The following ERBB4 variants were observed in gnomAD, a reference collection of about 807,000 sequenced individuals.
The protein encoded by ERBB4 is erb-b2 receptor tyrosine kinase 4.
ERBB4 carries 42 observed loss-of-function variants against 158.0 expected under a neutral mutation model. The ratio of observed to expected loss-of-function variants is 0.27; its 90% confidence interval spans 0.21 to 0.34. ERBB4 has a LOEUF of 0.34. Ranked by LOEUF, ERBB4 falls within the 10% of genes least tolerant of loss-of-function variation. The pLI, the probability that ERBB4 is intolerant of heterozygous loss-of-function variation, is 1.00. For synonymous variants in ERBB4, 583 were observed against 558.7 expected (o/e 1.04, Z -0.61); for missense variants, 1,333 against 1,624.1 (o/e 0.82, Z 3.08).
Position 212,360,852 on chromosome 2 carries a change from T to C in ERBB4, c.82+177597A>G, listed in dbSNP as rs1393952117. ...TTTAGACTGAGACTTACTTAACTAT[T>C]TGTGAGTTAATCAGGATGAAACAGA... On this transcript the variant is annotated intron_variant, in intron 1 of 27. Coordinates refer to ENST00000342788, the MANE Select transcript of ERBB4 (RefSeq NM_005235.3). Among the ~76,000 whole-genome samples, 7 of 151,692 alleles carry C rather than the reference T, an allele frequency of 4.6e-5. No homozygotes were observed. The Admixed American group carries it at 4.6e-4, about 10-fold the overall frequency.
chr2:211,885,736 G>C (rs973444360), intron 3 of ERBB4, among the ~76,000 whole-genome samples: 1 of 152,156 alleles, frequency 6.6e-6, no homozygotes, highest in Non-Finnish European at 1.5e-5. Flanking sequence ...TGAGATTACA[G>C]ATGTGAGCCA....
At chr2:212,342,664 C>T (rs2088778571) in intron 1 of ERBB4, among the ~76,000 whole-genome samples, 1 of 152,094 alleles carries the variant, frequency 6.6e-6, no homozygotes, top group African/African-American at 2.4e-5. Context: ...AAGTAATGCA[C>T]CAACAGTAAT....
chr2:211,759,496 C>T (rs1306266199), intron 4 of ERBB4, among the ~76,000 whole-genome samples: 1 of 152,100 alleles, frequency 6.6e-6, no homozygotes. Context: ...TCCGGGCTTA[C>T]TCCTCTCACT....
chr2:212,342,852 T>C (rs1466910141), intron 1 of ERBB4, among the ~76,000 whole-genome samples: 1 of 152,232 alleles, frequency 6.6e-6, no homozygotes, highest in Admixed American at 6.5e-5. Context: ...AAAGTAGTAT[T>C]CTTCTTATTC....
At chr2:212,131,109 C>T (rs73987240) in intron 1 of ERBB4, among the ~76,000 whole-genome samples, 3,290 of 152,160 alleles carry the variant, frequency 0.022, 120 homozygotes, top group African/African-American at 0.075. Flanking sequence ...TATAGTTATG[C>T]AGAGATGGCA....
intron 1 of ERBB4, among the ~76,000 whole-genome samples, chr2:212,476,449 CAA>C (rs965635342): frequency 6.6e-6 from 1 of 152,052 alleles, no homozygotes; most frequent in African/African-American, 2.4e-5. Flanking sequence ...ATCCTGATGT[CAA>C]AATATTATTC....
intron 1 of ERBB4, among the ~76,000 whole-genome samples, chr2:212,301,431 A>C (rs568998065): frequency 1.3e-5 from 2 of 151,644 alleles, no homozygotes; most frequent in Admixed American, 1.3e-4. Context: ...CTCACTGAAC[A>C]AAATACGAGC....
At chr2:212,304,366 A>T (rs2086731021) in intron 1 of ERBB4, among the ~76,000 whole-genome samples, 1 of 151,536 alleles carries the variant, frequency 6.6e-6, no homozygotes, top group Non-Finnish European at 1.5e-5. Context: ...TACTTTGTTC[A>T]ATGTCTTAGA....
At chr2:211,755,873 C>T (rs73985834) in intron 4 of ERBB4, among the ~76,000 whole-genome samples, 3,652 of 152,260 alleles carry the variant, frequency 0.024, 161 homozygotes, top group African/African-American at 0.084. Flanking sequence ...AAGTCATTGG[C>T]AACTATAAAA....
Position 212,337,451 on chromosome 2 carries a change from G to A in ERBB4, c.82+200998C>T, listed in dbSNP as rs538396028. Among the ~76,000 whole-genome samples, 44 of 152,104 alleles carry A rather than the reference G, an allele frequency of 2.9e-4. No individual in the cohort carries two copies. The South Asian group carries it at 6.0e-3, about 21-fold the overall frequency. On this transcript the variant is annotated intron_variant, in intron 1 of 27. Transcript: ENST00000342788. ...TTTGTACTTTCTATGCAACAAATCC[G>A]CTTTCACAAAATTGTAGATGGCACC...
rs1176367181 is a variant in ERBB4, at chr2:211,387,080, G to A, written c.3254C>T (p.Thr1085Ile). ...QGVSVPYRAP[T>I]STIPEAPVAQ... ...CACAGGAGCTTCTGGAATTGTGCTA[G>A]TTGGGGCTCTGTAGGGCACAGACAC... Residue 1085 changes from threonine (T) to isoleucine (I), a missense_variant, in exon 27 of 28, where the codon ACT (threonine) becomes ATT (isoleucine). Thr to Ile is a moderately conservative substitution (Grantham distance 89, BLOSUM62 -1). Transcript: ENST00000342788. 1.2e-6 allele frequency: 2 copies of A among 1,613,960 alleles called. No homozygotes were observed. Among genetic ancestry groups the A allele is most frequent in the Non-Finnish European group, 1.7e-6 (2 of 1,179,874 alleles).
intron 19 of ERBB4, among the ~76,000 whole-genome samples, chr2:211,588,797 A>G (rs1054412439): frequency 1.9e-4 from 29 of 152,274 alleles, no homozygotes; most frequent in Non-Finnish European, 2.9e-5. Flanking sequence ...TTTAAATGTT[A>G]GCCATTAGGC....
intron 20 of ERBB4, among the ~76,000 whole-genome samples, chr2:211,559,877 A>G (rs1410196521): frequency 5.9e-5 from 9 of 152,224 alleles, no homozygotes; most frequent in Admixed American, 3.3e-4. Context: ...GTAAAAGTAT[A>G]GTATGACATT....
intron 1 of ERBB4, among the ~76,000 whole-genome samples, chr2:212,340,297 G>A (rs2088644585): frequency 1.3e-5 from 2 of 152,160 alleles, no homozygotes; most frequent in Admixed American, 1.3e-4. Flanking sequence ...ATCAGGAACT[G>A]GTTTCGTGGA....
chr2:212,198,446 C>T (rs1386917758), intron 1 of ERBB4, among the ~76,000 whole-genome samples: 1 of 152,114 alleles, frequency 6.6e-6, no homozygotes, highest in Non-Finnish European at 1.5e-5. Flanking sequence ...TCCAGGTAAC[C>T]TCATACAAGT....
chr2:212,022,809 T>C (rs572354237), intron 2 of ERBB4, among the ~76,000 whole-genome samples: 3 of 152,162 alleles, frequency 2.0e-5, no homozygotes, highest in Admixed American at 6.6e-5. Context: ...AAATAATTCA[T>C]TTCTTCAGGT....
At chr2:211,603,234 AAAT>A (rs2125818051) in intron 19 of ERBB4, among the ~76,000 whole-genome samples, 1 of 152,222 alleles carries the variant, frequency 6.6e-6, no homozygotes, top group African/African-American at 2.4e-5. Context: ...CCGTCTCAAT[AAAT>A]AAATAAATAA....
At chr2:211,958,466 A>T (rs1281350718) in intron 2 of ERBB4, among the ~76,000 whole-genome samples, 1 of 152,112 alleles carries the variant, frequency 6.6e-6, no homozygotes, top group East Asian at 1.9e-4. Flanking sequence ...ACTTCTATTA[A>T]TTAGTGTTTT....
At chr2:212,399,251 T>G (rs1297279910) in intron 1 of ERBB4, among the ~76,000 whole-genome samples, 3 of 151,958 alleles carry the variant, frequency 2.0e-5, no homozygotes, top group African/African-American at 7.2e-5. Context: ...CCCATATTGT[T>G]CATTCTAAAC....
Sources: allele counts gnomAD v4.1 joint callset (sites outside exome capture counted in the v4.1 genomes callset), GRCh38; gene constraint gnomAD v4.1.1; transcripts MANE v1.5; gene names NCBI Gene and HGNC (gene_info 2026-07-23, HGNC 2026-07-21).